Variants in C1GALT1C1 observed in about 807,000 individuals in gnomAD.
The protein encoded by C1GALT1C1 is C1GALT1-specific chaperone 1.
For synonymous variants in C1GALT1C1, 77 were observed against 77.9 expected (o/e 0.99, Z 0.06); for missense variants, 176 against 234.7 (o/e 0.75, Z 1.63).
Position 120,627,056 on chromosome X carries a change from G to A in C1GALT1C1, c.111C>T (p.His37=). The change falls in exon 2 of 2, where the codon CAC becomes CAT. Residue 37 remains histidine (H), a synonymous_variant. Coordinates refer to ENST00000304661, the MANE Select transcript of C1GALT1C1 (RefSeq NM_001011551.3). ...HIRIGHGNRM[H]HHEHHHLQAP... is the part of the protein sequence containing the mutation. ...CTTGTAGGTGATGATGCTCATGGTG[G>A]TGCATTCTATTTCCATGACCAATCC... The A allele has an allele frequency of 2.5e-6, 3 of 1,210,323 alleles. No homozygotes were observed. Among genetic ancestry groups the A allele is most frequent in the South Asian group, 3.5e-5 (2 of 56,927 alleles).
At chrX:120,627,597 C>A (rs1927221546) in intron 1 of C1GALT1C1, among the ~76,000 whole-genome samples, 1 of 112,485 alleles carries the variant, frequency 8.9e-6, no homozygotes, top group African/African-American at 3.2e-5. Flanking sequence ...CTATAAATGG[C>A]AAATCACCAA....
chrX:120,628,512 A>G (rs1927249657), intron 1 of C1GALT1C1, among the ~76,000 whole-genome samples: 1 of 112,253 alleles, frequency 8.9e-6, no homozygotes, highest in Non-Finnish European at 1.9e-5. Context: ...TCAGTCACAC[A>G]GTTAGACAGT....
Position 120,626,312 on chromosome X carries a change from C to T in C1GALT1C1, c.855G>A (p.Gln285=). The T allele has an allele frequency of 8.2e-7, 1 of 1,212,293 alleles. No individual in the cohort carries two copies. Among genetic ancestry groups the T allele is most frequent in the Non-Finnish European group, 1.1e-6 (1 of 895,482 alleles). The change falls in exon 2 of 2, where the codon CAG becomes CAA. Residue 285 remains glutamine, a synonymous_variant. Transcript: ENST00000304661. The stretch of plus-strand genomic sequence containing the variant: ...ATACCCCATACATCATCACATGCAT[C>T]TGATTTGGAGTCAGTCCATTAAAAG... The part of the protein sequence containing the change: ...AVTFNGLTPN[Q]MHVMMYGVYR...
intron 1 of C1GALT1C1, among the ~76,000 whole-genome samples, chrX:120,628,545 C>T (rs930205918): frequency 8.9e-6 from 1 of 112,284 alleles, no homozygotes; most frequent in African/African-American, 3.2e-5. Context: ...CTAGAAACCA[C>T]ATTTCTCAAT....
intron 1 of C1GALT1C1, among the ~76,000 whole-genome samples, chrX:120,628,410 G>A (rs1161016654): frequency 4.5e-5 from 5 of 111,750 alleles, no homozygotes; most frequent in Non-Finnish European, 9.4e-5. Flanking sequence ...TTCTCTTATG[G>A]TTGAAAGGAG....
At chrX:120,628,798 G>A (rs753440778) in intron 1 of C1GALT1C1, among the ~76,000 whole-genome samples, 1 of 111,964 alleles carries the variant, frequency 8.9e-6, no homozygotes, top group East Asian at 2.8e-4. Context: ...ACAAGGTGTG[G>A]AATAGCTTGG....
chrX:120,628,360 A>T (rs1453283904), intron 1 of C1GALT1C1, among the ~76,000 whole-genome samples: 1 of 112,745 alleles, frequency 8.9e-6, no homozygotes, highest in African/African-American at 3.2e-5. Flanking sequence ...CTCCATCTTC[A>T]GAAAAAAGCA....
intron 1 of C1GALT1C1, among the ~76,000 whole-genome samples, chrX:120,627,964 T>G (rs1161802147): frequency 8.9e-6 from 1 of 111,962 alleles, no homozygotes; most frequent in Non-Finnish European, 1.9e-5. Flanking sequence ...AAGAGGCAGG[T>G]GCAGTGGCTC....
At position 120,626,867 on chromosome X, in the gene C1GALT1C1, G is replaced by A. The variant is rs1485985388; in HGVS notation, c.300C>T (p.Phe100=). Residue 100 remains phenylalanine, a synonymous_variant, in exon 2 of 2, where the codon TTC becomes TTT. Coordinates refer to ENST00000304661, the MANE Select transcript of C1GALT1C1 (RefSeq NM_001011551.3). ...WTKHCDKAEF[F]SSENVKVFES... is the part of the protein sequence containing the mutation. ...CAAACACTTTAACATTTTCAGAACT[G>A]AAGAACTCTGCTTTGTCACAGTGTT... 8.3e-7 allele frequency: 1 copy of A among 1,209,681 alleles called. No homozygotes were observed. Among genetic ancestry groups the A allele is most frequent in the Non-Finnish European group, 1.1e-6 (1 of 895,193 alleles).
chrX:120,628,554 A>G (rs1275533377), intron 1 of C1GALT1C1, among the ~76,000 whole-genome samples: 3 of 112,367 alleles, frequency 2.7e-5, no homozygotes, highest in East Asian at 5.6e-4. Flanking sequence ...ACATTTCTCA[A>G]TATCAGTTTA....
At position 120,626,172 on chromosome X, in the gene C1GALT1C1, C is replaced by T. The variant is rs1569408554; in HGVS notation, c.*38G>A. The T allele has an allele frequency of 2.7e-6, 3 of 1,092,590 alleles. No homozygotes were observed. The highest frequency in any genetic ancestry group is 3.8e-6 in the Non-Finnish European group (3 of 797,751). The allele number at this position is 1,092,590 out of a possible 1,213,427, so 90.0% of individuals were successfully genotyped here. A position where few individuals can be genotyped will look rare whatever the true frequency, so the allele number is the denominator to read the frequency against. ...TACTACAAATAATGACAACACACGTCCTATACAAAGATCATATTCACGCTT... is the reference window on the plus strand; with the variant it reads ...TACTACAAATAATGACAACACACGTTCTATACAAAGATCATATTCACGCTT... On this transcript the variant is annotated 3_prime_UTR_variant, in exon 2 of 2. Transcript: ENST00000304661.
intron 1 of C1GALT1C1, among the ~76,000 whole-genome samples, chrX:120,629,635 C>T (rs756119058): frequency 1.8e-5 from 2 of 111,782 alleles, no homozygotes; most frequent in African/African-American, 6.5e-5. Flanking sequence ...TTAGATGAAC[C>T]TTTTTGGGTG....
chrX:120,626,947 G>A lies in C1GALT1C1; in HGVS notation c.220C>T (p.Leu74Phe). The A allele has an allele frequency of 8.3e-7, 1 of 1,211,214 alleles. No homozygotes were observed. The highest frequency in any genetic ancestry group is 1.1e-6 in the Non-Finnish European group (1 of 895,266). ...SKSFRVYCII[L>F]VKPKDVSLWA... ...AGACTCACATCTTTGGGTTTTACAA[G>A]GATAATACAGTATACTCGAAAGCTC... is the stretch of plus-strand genomic sequence containing the variant. The change falls in exon 2 of 2, where the codon CTT becomes TTT. Residue 74 changes from leucine to phenylalanine, a missense_variant. By Grantham distance (22) the Leu-to-Phe change is conservative. Transcript: ENST00000304661.
Position 120,627,414 on chromosome X carries a change from G to T in C1GALT1C1, c.-5-243C>A, listed in dbSNP as rs1190500150. ...CAACAACTCCTCTATGGAGAAGTTT[G>T]TTTTGCACTTCATCTATGGGGATTT... On this transcript the variant is annotated intron_variant, in intron 1 of 1. Transcript: ENST00000304661. The T allele has an allele frequency of 1.6e-5, 4 of 243,354 alleles. 1 individual carries two copies. Among genetic ancestry groups the T allele is most frequent in the Non-Finnish European group, 2.9e-5 (4 of 137,253 alleles). 20.1% of individuals were successfully genotyped at this position (243,354 alleles called of 1,213,427 possible). A position where few individuals can be genotyped will look rare whatever the true frequency, so the allele number is the denominator to read the frequency against.
At position 120,626,537 on chromosome X, in the gene C1GALT1C1, C is replaced by A; in HGVS notation, c.630G>T (p.Gln210His). Residue 210 changes from glutamine to histidine, a missense_variant, in exon 2 of 2, where the codon CAG becomes CAT. By Grantham distance (24) the Gln-to-His change is conservative (BLOSUM62 0). Transcript: ENST00000304661. ...CAGATATCTTCCAAATCATCCCTCC[C>A]TGTTCAGGACACTTTTCTGGGATAT... ...LLNIPEKCPE[Q>H]GGMIWKISED... 2 of 1,212,055 alleles carry A rather than the reference C, an allele frequency of 1.7e-6. No individual in the cohort carries two copies. Among genetic ancestry groups the A allele is most frequent in the Non-Finnish European group, 1.1e-6 (1 of 895,497 alleles).
Position 120,626,979 on chromosome X carries a change from A to G in C1GALT1C1, c.188T>C (p.Leu63Pro). Residue 63 changes from leucine (L) to proline (P), a missense_variant, in exon 2 of 2, where the codon CTC becomes CCC. Transcript: ENST00000304661. ...LKISEDERME[L>P]SKSFRVYCII... ...ACAGTATACTCGAAAGCTCTTACTGAGCTCCATGCGCTCATCCTCTGAAAT... is the reference window on the plus strand; with the variant it reads ...ACAGTATACTCGAAAGCTCTTACTGGGCTCCATGCGCTCATCCTCTGAAAT... The G allele has an allele frequency of 8.3e-7, 1 of 1,211,010 alleles. No homozygotes were observed. Among genetic ancestry groups the G allele is most frequent in the Non-Finnish European group, 1.1e-6 (1 of 895,296 alleles).
Position 120,626,098 on chromosome X carries a change from A to T in C1GALT1C1, c.*112T>A. On this transcript the variant is annotated 3_prime_UTR_variant, in exon 2 of 2. Transcript: ENST00000304661. Reference sequence around the variant, plus strand: ...AATGTGTGGTTATACCAGTGCCACCAAATTAGAAAAGAAAAAGAAACATAC... The same window carrying T: ...AATGTGTGGTTATACCAGTGCCACCTAATTAGAAAAGAAAAAGAAACATAC... 1 of 743,042 alleles carries T rather than the reference A, an allele frequency of 1.3e-6. No individual in the cohort carries two copies. Among genetic ancestry groups the T allele is most frequent in the Non-Finnish European group, 2.0e-6 (1 of 511,176 alleles). 61.2% of individuals were successfully genotyped at this position (743,042 alleles called of 1,213,427 possible).
At position 120,625,953 on chromosome X, in the gene C1GALT1C1, T is replaced by A; in HGVS notation, c.*257A>T. 3.8e-6 allele frequency: 1 copy of A among 263,031 alleles called. No homozygotes were observed. The highest frequency in any genetic ancestry group is 6.7e-6 in the Non-Finnish European group (1 of 148,294). The allele number at this position is 263,031 out of a possible 1,213,427, so 21.7% of individuals were successfully genotyped here. On this transcript the variant is annotated 3_prime_UTR_variant, in exon 2 of 2. Transcript: ENST00000304661. The stretch of plus-strand genomic sequence containing the variant: ...AATTTAGAATTTATCACATATAATA[T>A]TTATTAATAGTTTATTTGCAAAATT...
At chrX:120,628,538 G>T (rs2050861427) in intron 1 of C1GALT1C1, among the ~76,000 whole-genome samples, 1 of 112,203 alleles carries the variant, frequency 8.9e-6, no homozygotes, top group Admixed American at 9.5e-5. Flanking sequence ...AAGTGGACTA[G>T]AAACCACATT....
Sources: gnomAD v4.1 joint callset for allele counts (sites outside exome capture counted in the v4.1 genomes callset) on GRCh38, gnomAD v4.1.1 for gene constraint, MANE v1.5 for transcripts, NCBI Gene and HGNC (gene_info 2026-07-23, HGNC 2026-07-21) for gene names.